The following AKAP9 variants were observed in gnomAD, a reference collection of about 807,000 sequenced individuals.
AKAP9 encodes A-kinase anchoring protein 9, also known as A-kinase anchor protein 9.
A neutral mutation model predicts 488.5 loss-of-function variants in AKAP9; 311 were observed. The ratio of observed to expected loss-of-function variants is 0.64; its 90% confidence interval spans 0.58 to 0.70. The LOEUF is 0.70. AKAP9 is among the 30% of genes least tolerant of loss of function. The pLI is 0.00. For missense variants in AKAP9, 4,215 were observed against 4,374.5 expected (o/e 0.96, Z 1.03); for synonymous variants, 1,462 against 1,483.5 (o/e 0.99, Z 0.33).
intron 2 of AKAP9, 25 bp downstream of exon 2, chr7:91,973,993 T>A (rs996800750): frequency 6.2e-7 from 1 of 1,613,032 alleles, no homozygotes. Context: ...AGATTTTTAA[T>A]CATTATGGTT....
At position 91,941,157 on chromosome 7, in the gene AKAP9, C is replaced by T. The variant is rs1217103896; in HGVS notation, c.48+10C>T. On this transcript the variant is annotated intron_variant, in intron 1 of 49. Coordinates refer to ENST00000356239, the MANE Select transcript of AKAP9 (RefSeq NM_005751.5). Reference sequence around the variant, plus strand: ...GGCCGGCAAAGCCAAGGTAGGAGAGCCCGAGGCAACCGGGCCTGCGGTGGG... The same window carrying T: ...GGCCGGCAAAGCCAAGGTAGGAGAGTCCGAGGCAACCGGGCCTGCGGTGGG... The T allele has an allele frequency of 2.5e-6, 4 of 1,613,524 alleles. No individual in the cohort carries two copies. Among genetic ancestry groups the T allele is most frequent in the Non-Finnish European group, 3.4e-6 (4 of 1,179,470 alleles).
At chr7:91,959,576 C>G (rs1793480737) in intron 1 of AKAP9, among the ~76,000 whole-genome samples, 1 of 152,168 alleles carries the variant, frequency 6.6e-6, no homozygotes, top group Non-Finnish European at 1.5e-5. Context: ...AAAGCACATA[C>G]TCTTTTTGAA....
intron 22 of AKAP9, among the ~76,000 whole-genome samples, chr7:92,055,445 A>G (rs1808623635): frequency 6.6e-6 from 1 of 152,094 alleles, no homozygotes. Context: ...TGAACAAATC[A>G]AAGTCCAAAA....
rs752736844 is a variant in AKAP9 at position 92,016,040 on chromosome 7, C to A, written c.3613-89C>A. 3.7e-6 allele frequency: 4 copies of A among 1,084,318 alleles called. No individual in the cohort carries two copies. The East Asian group carries it at 7.3e-5, about 20-fold the overall frequency. 67.2% of individuals were successfully genotyped at this position (1,084,318 alleles called of 1,614,324 possible). A position where few individuals can be genotyped will look rare whatever the true frequency, so the allele number is the denominator to read the frequency against. ...AATTATTTTTGTGTGCCATTTTGAC[C>A]GCCTTGCATCTAGGAGAATTATGTT... is the stretch of plus-strand genomic sequence containing the variant. On this transcript the variant is annotated intron_variant, in intron 10 of 49. Transcript: ENST00000356239.
intron 7 of AKAP9, among the ~76,000 whole-genome samples, chr7:91,996,985 A>G (rs771946804): frequency 1.3e-5 from 2 of 152,204 alleles, no homozygotes; most frequent in Non-Finnish European, 2.9e-5. Context: ...ACAAAGCAAG[A>G]TGAGGTAAAT....
chr7:92,108,500 A>G lies in AKAP9; in HGVS notation c.11553A>G (p.Pro3851=), dbSNP rs1219783769. The G allele has an allele frequency of 1.2e-6, 2 of 1,614,138 alleles. No homozygotes were observed. The highest frequency in any genetic ancestry group is 1.7e-6 in the Non-Finnish European group (2 of 1,180,030). Residue 3851 remains proline, a synonymous_variant, in exon 49 of 50, where the codon CCA becomes CCG. Transcript: ENST00000356239. The part of the protein sequence containing the change: ...RSPLPFQNRY[P]GTPADFNPGS... ...CATATTTTTAATCCTTTAGGTACCC[A>G]GGCACTCCAGCTGATTTCAATCCTG... is the stretch of plus-strand genomic sequence containing the variant.
intron 28 of AKAP9, among the ~76,000 whole-genome samples, chr7:92,075,538 G>C (rs1289481391): frequency 3.3e-5 from 5 of 152,222 alleles, no homozygotes; most frequent in Non-Finnish European, 5.9e-5. Context: ...AGCAGGATAA[G>C]TGATAGTTTA....
At chr7:92,071,041 G>A in intron 28 of AKAP9, 32 bp downstream of exon 28, 2 of 1,522,726 alleles carry the variant, frequency 1.3e-6, no homozygotes, top group Non-Finnish European at 9.1e-7. Flanking sequence ...GACACAGCGT[G>A]GTTTGAATTA....
At chr7:92,062,603 T>A in intron 24 of AKAP9, 117 bp downstream of exon 24, 1 of 824,948 alleles carries the variant, frequency 1.2e-6, no homozygotes, top group African/African-American at 1.7e-5. Context: ...TATAGAGAGA[T>A]TTAAAAAATT....
At chr7:92,000,150 A>C (rs1014531984) in intron 7 of AKAP9, among the ~76,000 whole-genome samples, 1 of 152,230 alleles carries the variant, frequency 6.6e-6, no homozygotes, top group Non-Finnish European at 1.5e-5. Flanking sequence ...CCAAAATAGA[A>C]TCCCAAATAA....
chr7:92,022,722 AAG>A, intron 13 of AKAP9, 90 bp from the exon 14 acceptor site: 1 of 877,610 alleles, frequency 1.1e-6, no homozygotes, highest in Non-Finnish European at 1.7e-6. Context: ...TTTTTCAAAA[AAG>A]AATTAATATT....
At chr7:92,048,082 G>C (rs1327036623) in intron 21 of AKAP9, among the ~76,000 whole-genome samples, 1 of 151,998 alleles carries the variant, frequency 6.6e-6, no homozygotes, top group Non-Finnish European at 1.5e-5. Flanking sequence ...TATTAACACT[G>C]TGTTCCATAT....
At chr7:91,983,259 T>C (rs1042969263) in intron 3 of AKAP9, among the ~76,000 whole-genome samples, 2 of 152,148 alleles carry the variant, frequency 1.3e-5, no homozygotes, top group Admixed American at 1.3e-4. Context: ...TGTCCAAGTG[T>C]TCTCACTGTT....
Position 92,042,070 on chromosome 7 carries a change from C to T in AKAP9, c.4942C>T (p.Leu1648=). The change falls in exon 19 of 50, where the codon CTG becomes TTG. Residue 1648 remains leucine (L), a synonymous_variant. Transcript: ENST00000356239. ...AQRSSIDNEN[L]VSERERVLLE... is the part of the protein sequence containing the mutation. The stretch of plus-strand genomic sequence containing the variant: ...GAGATCCTCCATAGATAATGAAAAC[C>T]TGGTTTCAGAGAGAGAGAGGGTGCT... 6.2e-7 allele frequency: 1 copy of T among 1,613,740 alleles called. No individual in the cohort carries two copies. Among genetic ancestry groups the T allele is most frequent in the Non-Finnish European group, 8.5e-7 (1 of 1,179,870 alleles).
chr7:92,022,855 G>C lies in AKAP9; in HGVS notation c.3994G>C (p.Glu1332Gln), dbSNP rs774110970. 2.0e-5 allele frequency: 31 copies of C among 1,573,208 alleles called. No homozygotes were observed. The highest frequency in any genetic ancestry group is 6.9e-5 in the African/African-American group (4 of 57,762). ...KSKLSSLQDL[E>Q]KTKLEEQVQE... is the part of the protein sequence containing the mutation. Reference sequence around the variant, plus strand: ...CAAGTTATCTTCTCTGCAAGATCTTGAAAAAACTAAACTTGAAGAACAAGT... The same window carrying C: ...CAAGTTATCTTCTCTGCAAGATCTTCAAAAAACTAAACTTGAAGAACAAGT... Residue 1332 changes from glutamate to glutamine, a missense_variant, in exon 14 of 50, where the codon GAA becomes CAA. By Grantham distance (29) the Glu-to-Gln change is conservative. This residue lies in a region of AKAP9 where 2,361 missense variants were observed against 2,430.0 expected (regional missense o/e 0.97). Transcript: ENST00000356239.
intron 1 of AKAP9, among the ~76,000 whole-genome samples, chr7:91,949,841 TAAC>T (rs1461954735): frequency 6.6e-6 from 1 of 152,238 alleles, no homozygotes; most frequent in Non-Finnish European, 1.5e-5. Flanking sequence ...CCTTGTTCAC[TAAC>T]AATGTAGTGT....
chr7:91,999,546 T>G (rs1304269199), intron 7 of AKAP9, among the ~76,000 whole-genome samples: 1 of 152,218 alleles, frequency 6.6e-6, no homozygotes, highest in Non-Finnish European at 1.5e-5. Flanking sequence ...CAAATGAATT[T>G]TAAAAGCCAC....
At chr7:92,101,456 A>C (rs1466705488) in intron 45 of AKAP9, among the ~76,000 whole-genome samples, 1 of 150,922 alleles carries the variant, frequency 6.6e-6, no homozygotes, top group African/African-American at 2.4e-5. Context: ...AAAAAAATGT[A>C]GATAGTATTC....
intron 10 of AKAP9, among the ~76,000 whole-genome samples, chr7:92,014,791 G>A (rs1320604887): frequency 6.6e-6 from 1 of 152,114 alleles, no homozygotes; most frequent in African/African-American, 2.4e-5. Flanking sequence ...CTTAAAATGA[G>A]CATTAAAAAT....
Sources: allele counts gnomAD v4.1 joint callset (sites outside exome capture counted in the v4.1 genomes callset), GRCh38; gene constraint gnomAD v4.1.1; regional missense constraint gnomAD v4.1.1; transcripts MANE v1.5; gene names NCBI Gene and HGNC (gene_info 2026-07-23, HGNC 2026-07-21).